The following SLC4A4 variants were observed in gnomAD, a reference collection of about 807,000 sequenced individuals.
SLC4A4 encodes electrogenic sodium bicarbonate cotransporter 1.
A neutral mutation model predicts 111.5 loss-of-function variants in SLC4A4; 27 were observed. That is an observed-to-expected ratio of 0.24 (90% confidence interval 0.18 to 0.33). The LOEUF (loss-of-function observed/expected upper bound fraction) is 0.33, where lower values mean the gene tolerates loss of function less well. Among genes scored for constraint, SLC4A4 ranks in the 10% least tolerant of loss-of-function variants. The pLI, the probability that SLC4A4 is intolerant of heterozygous loss-of-function variation, is 1.00. For synonymous variants in SLC4A4, 443 were observed against 463.4 expected, an observed-to-expected ratio of 0.96 and a Z score of 0.57; for missense variants, 909 against 1,315.5, an observed-to-expected ratio of 0.69 and a Z score of 4.78.
chr4:71,407,313 A>G (rs1413634364), intron 7 of SLC4A4, among the ~76,000 whole-genome samples: 5 of 152,312 alleles, frequency 3.3e-5, no homozygotes, highest in East Asian at 1.9e-4. Context: ...AAAATACTCA[A>G]TGTTATGTGC....
At chr4:71,376,110 TAC>T (rs1238579694) in intron 6 of SLC4A4, among the ~76,000 whole-genome samples, 1 of 149,190 alleles carries the variant, frequency 6.7e-6, no homozygotes, top group Non-Finnish European at 1.5e-5. Flanking sequence ...TATATATATA[TAC>T]GTTTGTGTAT....
chr4:71,561,996 T>C (rs1232878430), intron 23 of SLC4A4, among the ~76,000 whole-genome samples: 1 of 151,822 alleles, frequency 6.6e-6, no homozygotes, highest in Non-Finnish European at 1.5e-5. Flanking sequence ...CTTTGGAGAA[T>C]GTTTTAAATG....
intron 3 of SLC4A4, among the ~76,000 whole-genome samples, chr4:71,269,494 A>C (rs549105218): frequency 6.6e-6 from 1 of 152,288 alleles, no homozygotes; most frequent in African/African-American, 2.4e-5. Context: ...ATTTTCACAG[A>C]TGTCTTTAAA....
At chr4:71,064,544 G>A (rs755187515) in intron 1 of SLC4A4, among the ~76,000 whole-genome samples, 3 of 152,282 alleles carry the variant, frequency 2.0e-5, no homozygotes, top group East Asian at 1.9e-4. Flanking sequence ...AATTGAACCC[G>A]TAGTGATAAT....
chr4:71,086,129 A>C lies in SLC4A4; in HGVS notation c.-64-6601A>C, dbSNP rs531860522. Among the ~76,000 whole-genome samples, 568 of 151,174 alleles carry C rather than the reference A, an allele frequency of 3.8e-3. 11 individuals are homozygous for C. The highest frequency in any genetic ancestry group is 0.013 in the African/African-American group (537 of 41,102). On this transcript the variant is annotated intron_variant, in intron 1 of 26. Transcript: ENST00000649996. ...TGAAGAGGTCCTTCACGTCCCTTGT[A>C]AGTTGGATTCCTAGGTATTTTATTC...
chr4:71,499,342 C>T (rs886885986), intron 16 of SLC4A4, among the ~76,000 whole-genome samples: 1 of 151,936 alleles, frequency 6.6e-6, no homozygotes, highest in African/African-American at 2.4e-5. Flanking sequence ...ATAATGTAAA[C>T]TATATATTTC....
intron 14 of SLC4A4, among the ~76,000 whole-genome samples, chr4:71,483,148 C>A (rs1420792458): frequency 2.0e-5 from 3 of 151,442 alleles, no homozygotes; most frequent in Non-Finnish European, 4.4e-5. Context: ...TTGTTTAGAC[C>A]AAATGTCCTT....
intron 23 of SLC4A4, among the ~76,000 whole-genome samples, chr4:71,562,298 G>C (rs1411605230): frequency 1.3e-5 from 2 of 151,642 alleles, no homozygotes; most frequent in Non-Finnish European, 3.0e-5. Context: ...TGTGCAGTAT[G>C]TTCTGTGTGT....
chr4:71,072,300 G>A (rs1741687704), intron 1 of SLC4A4, among the ~76,000 whole-genome samples: 1 of 152,146 alleles, frequency 6.6e-6, no homozygotes, highest in Admixed American at 6.5e-5. Context: ...GATGGCTGTT[G>A]TTGTTCCCAA....
intron 7 of SLC4A4, among the ~76,000 whole-genome samples, chr4:71,438,980 T>C (rs1165729434): frequency 2.0e-5 from 3 of 152,076 alleles, no homozygotes; most frequent in African/African-American, 4.8e-5. Context: ...TGCATTCTAT[T>C]TGTAAATATA....
intron 7 of SLC4A4, among the ~76,000 whole-genome samples, chr4:71,417,307 C>G (rs1041585777): frequency 5.3e-5 from 8 of 152,062 alleles, no homozygotes; most frequent in Non-Finnish European, 1.0e-4. Context: ...AGCACAATTT[C>G]AGAGGTAAGG....
intron 7 of SLC4A4, among the ~76,000 whole-genome samples, chr4:71,405,795 C>G (rs988441325): frequency 1.3e-5 from 2 of 152,160 alleles, no homozygotes; most frequent in African/African-American, 4.8e-5. Context: ...ATCTCAGTAT[C>G]TAGCATTTGC....
intron 3 of SLC4A4, among the ~76,000 whole-genome samples, chr4:71,320,732 G>T (rs1201095370): frequency 6.6e-6 from 1 of 151,920 alleles, no homozygotes; most frequent in Non-Finnish European, 1.5e-5. Flanking sequence ...CTAAACAAGG[G>T]GTTGTCTGAG....
At chr4:71,301,067 C>A in intron 3 of SLC4A4, 1 of 393,106 alleles carries the variant, frequency 2.5e-6, no homozygotes. Flanking sequence ...TTGGTCAACT[C>A]AGCTCCACAG....
At chr4:71,487,161 C>T (rs192722246) in intron 15 of SLC4A4, 143 bp downstream of exon 15, 20 of 489,630 alleles carry the variant, frequency 4.1e-5, no homozygotes, top group Admixed American at 1.4e-4. Flanking sequence ...AGTGGAGGGA[C>T]GGGAAAAAAA....
chr4:71,091,793 C>CA (rs1294024119), intron 1 of SLC4A4, among the ~76,000 whole-genome samples: 5 of 152,106 alleles, frequency 3.3e-5, no homozygotes, highest in Non-Finnish European at 7.4e-5. Context: ...ACTCATTTTG[C>CA]AAAACTGCAT....
chr4:71,547,597 C>A (rs16845201), intron 19 of SLC4A4, 51 bp from the exon 20 acceptor site: 1 of 1,417,850 alleles, frequency 7.1e-7, no homozygotes, highest in Admixed American at 1.7e-5. Context: ...AAGACAAGAG[C>A]ATGTTTATGA....
chr4:71,240,811 T>C (rs886841955), intron 2 of SLC4A4, among the ~76,000 whole-genome samples: 3 of 152,204 alleles, frequency 2.0e-5, no homozygotes, highest in Middle Eastern at 3.2e-3. Context: ...TTTTTTAAAT[T>C]TTTTTGTTAG....
rs2148867927 is a variant in SLC4A4 at position 71,322,298 on chromosome 4, G to A, written c.254-17072G>A. Among the ~76,000 whole-genome samples the A allele has an allele frequency of 1.3e-5, 2 of 152,100 alleles. 1 individual carries two copies. The highest frequency in any genetic ancestry group is 4.1e-4 in the South Asian group (2 of 4,822). ...AGAATTTTTTTGGCAATGTGGGGATGAAGTCAGAAGTCCTAAAGATTCTTT... is the reference window on the plus strand; with the variant it reads ...AGAATTTTTTTGGCAATGTGGGGATAAAGTCAGAAGTCCTAAAGATTCTTT... On this transcript the variant is annotated intron_variant, in intron 3 of 25. Transcript: ENST00000264485.
Sources: gnomAD v4.1 joint callset for allele counts (sites outside exome capture counted in the v4.1 genomes callset) on GRCh38, gnomAD v4.1.1 for gene constraint, MANE v1.5 for transcripts, NCBI Gene and HGNC (gene_info 2026-07-23, HGNC 2026-07-21) for gene names.